Variants in JPH3 observed in about 807,000 individuals in gnomAD.
The protein encoded by JPH3 is junctophilin 3, also known as junctophilin-3.
Under a neutral mutation model 59.6 loss-of-function variants are expected in JPH3, and 11 were observed. The ratio of observed to expected loss-of-function variants is 0.18; its 90% confidence interval spans 0.12 to 0.31. The LOEUF (loss-of-function observed/expected upper bound fraction) is 0.31. Among genes scored for constraint, JPH3 ranks in the 10% least tolerant of loss-of-function variants. The pLI, the probability that JPH3 is intolerant of heterozygous loss-of-function variation, is 1.00. For missense variants in JPH3, 1,202 were observed against 1,105.7 expected (o/e 1.09, Z -1.24); for synonymous variants, 673 against 483.6 (o/e 1.39, Z -5.14).
intron 1 of JPH3, among the ~76,000 whole-genome samples, chr16:87,639,987 G>C (rs887906908): frequency 2.0e-5 from 3 of 152,172 alleles, no homozygotes; most frequent in African/African-American, 4.8e-5. Context: ...TCAGGGAGTG[G>C]GTGAGCCTCT....
At chr16:87,626,261 C>T (rs564999371) in intron 1 of JPH3, among the ~76,000 whole-genome samples, 1 of 152,254 alleles carries the variant, frequency 6.6e-6, no homozygotes, top group East Asian at 1.9e-4. Flanking sequence ...TGCACACGTG[C>T]AGACTGAGGT....
chr16:87,649,272 C>T (rs1274298075), intron 2 of JPH3, among the ~76,000 whole-genome samples: 4 of 152,196 alleles, frequency 2.6e-5, no homozygotes, highest in East Asian at 1.9e-4. Flanking sequence ...CCCATCCTGC[C>T]GTGTCGCCTA....
chr16:87,627,604 C>A (rs1032148442), intron 1 of JPH3, among the ~76,000 whole-genome samples: 4 of 152,224 alleles, frequency 2.6e-5, no homozygotes, highest in Admixed American at 2.0e-4. Context: ...AGGCATCTGG[C>A]TGCAGCTCCC....
chr16:87,688,225 C>G (rs2033465113), intron 3 of JPH3, among the ~76,000 whole-genome samples: 1 of 152,138 alleles, frequency 6.6e-6, no homozygotes, highest in African/African-American at 2.4e-5. Context: ...GGAACTCAGA[C>G]TTGGGAGGGC....
intron 1 of JPH3, among the ~76,000 whole-genome samples, chr16:87,618,167 AAAAT>A (rs920834190): frequency 1.2e-4 from 18 of 152,348 alleles, no homozygotes; most frequent in South Asian, 2.1e-4. Context: ...CTGTCTCAAA[AAAAT>A]AAATAAATAA....
chr16:87,637,387 T>G (rs1036346112), intron 1 of JPH3, among the ~76,000 whole-genome samples: 1 of 123,592 alleles, frequency 8.1e-6, no homozygotes, highest in African/African-American at 3.0e-5. Context: ...GTTCATGTTA[T>G]GGGGGAGAGA....
intron 1 of JPH3, among the ~76,000 whole-genome samples, chr16:87,631,403 G>T (rs533543415): frequency 3.3e-5 from 5 of 152,196 alleles, no homozygotes; most frequent in Admixed American, 6.5e-5. Flanking sequence ...AATTTGGGGC[G>T]GTGGGGGTGC....
rs116069101 is a variant in JPH3 at position 87,669,441 on chromosome 16, C to T, written c.1161-14701C>T. ...AAGAGCAGGTCTCTGCAACACACGC[C>T]TGGGGTTCCGTCCCCTCTGGCCACT... On this transcript the variant is annotated intron_variant, in intron 2 of 4. Transcript: ENST00000284262. Among the ~76,000 whole-genome samples the T allele has an allele frequency of 4.2e-3, 643 of 152,348 alleles. 5 individuals are homozygous for T. The highest frequency in any genetic ancestry group is 0.012 in the African/African-American group (515 of 41,586).
At chr16:87,668,079 G>A (rs1006973086) in intron 2 of JPH3, among the ~76,000 whole-genome samples, 7 of 152,296 alleles carry the variant, frequency 4.6e-5, no homozygotes, top group Admixed American at 1.3e-4. Flanking sequence ...TCTGACTACC[G>A]TGATGAGCAG....
At chr16:87,660,053 C>A (rs1235443798) in intron 2 of JPH3, among the ~76,000 whole-genome samples, 1 of 151,628 alleles carries the variant, frequency 6.6e-6, no homozygotes, top group Non-Finnish European at 1.5e-5. Flanking sequence ...AAGCCCCAGC[C>A]CTGCCACCTG....
At chr16:87,634,320 G>A (rs1034821216) in intron 1 of JPH3, among the ~76,000 whole-genome samples, 2 of 152,124 alleles carry the variant, frequency 1.3e-5, no homozygotes, top group African/African-American at 2.4e-5. Flanking sequence ...TGGGTATAGG[G>A]GACAGAAACC....
rs1448349975 is a variant in JPH3 at position 87,698,094 on chromosome 16, T to G, written c.*1434T>G. 6.6e-6 allele frequency: 1 copy of G among 152,642 alleles called. No individual in the cohort carries two copies. The allele number at this position is 152,642 out of a possible 1,614,324, so 9.5% of individuals were successfully genotyped here. A position where few individuals can be genotyped will look rare whatever the true frequency, so the allele number is the denominator to read the frequency against. ...TTTCGAGCAGACTTCTTTACTACAC[T>G]GCACTGGATTGCTATATTTTTAACC... On this transcript the variant is annotated 3_prime_UTR_variant, in exon 5 of 5. Coordinates refer to ENST00000284262, the MANE Select transcript of JPH3 (RefSeq NM_020655.4).
intron 1 of JPH3, chr16:87,604,683 C>G (rs1469211317): frequency 1.7e-6 from 2 of 1,146,688 alleles, no homozygotes; most frequent in African/African-American, 3.2e-5. Context: ...ATGAAGAAAG[C>G]TCGGAACACC....
intron 2 of JPH3, among the ~76,000 whole-genome samples, chr16:87,649,550 C>T (rs1336892187): frequency 1.3e-5 from 2 of 152,206 alleles, no homozygotes; most frequent in African/African-American, 4.8e-5. Flanking sequence ...ATGTGTCACC[C>T]ATCCTAGAGA....
At position 87,695,204 on chromosome 16, in the gene JPH3, G is replaced by A. The variant is rs184245722; in HGVS notation, c.2167-1376G>A. 2.7e-4 allele frequency: 111 copies of A among 414,444 alleles called. 1 individual carries two copies. In the East Asian group the frequency reaches 7.5e-3, roughly 28 times the overall value. The allele number at this position is 414,444 out of a possible 1,614,324, so 25.7% of individuals were successfully genotyped here. On this transcript the variant is annotated intron_variant, in intron 4 of 4. Coordinates refer to ENST00000284262, the MANE Select transcript of JPH3 (RefSeq NM_020655.4). ...TGTTCGGGCTCCCCTCCTTAATGCA[G>A]GCCTGAGCAGCCCTCACCTGGTGCC...
At chr16:87,639,834 C>T (rs1476120921) in intron 1 of JPH3, among the ~76,000 whole-genome samples, 4 of 152,238 alleles carry the variant, frequency 2.6e-5, no homozygotes, top group African/African-American at 9.6e-5. Flanking sequence ...GCAGCAGGTG[C>T]CCGGCTTTCC....
intron 1 of JPH3, among the ~76,000 whole-genome samples, chr16:87,607,959 A>AT (rs1383472681): frequency 1.3e-5 from 2 of 152,252 alleles, no homozygotes; most frequent in African/African-American, 2.4e-5. Context: ...GCAAACAGCT[A>AT]TTTTTTTGTT....
chr16:87,608,536 G>C (rs2030612733), intron 1 of JPH3, among the ~76,000 whole-genome samples: 1 of 152,154 alleles, frequency 6.6e-6, no homozygotes, highest in African/African-American at 2.4e-5. Flanking sequence ...ACTTGAGTAA[G>C]GTGCTGTCTT....
chr16:87,652,289 G>A (rs1040761986), intron 2 of JPH3, among the ~76,000 whole-genome samples: 9 of 152,140 alleles, frequency 5.9e-5, no homozygotes, highest in South Asian at 4.1e-4. Context: ...AGAAGTTGCC[G>A]CCTCAGCCTT....
Sources: gnomAD v4.1 joint callset for allele counts (sites outside exome capture counted in the v4.1 genomes callset) on GRCh38, gnomAD v4.1.1 for gene constraint, MANE v1.5 for transcripts, NCBI Gene and HGNC (gene_info 2026-07-23, HGNC 2026-07-21) for gene names.